VPS37A: variants seen among roughly 807,000 people sequenced by gnomAD.
VPS37A encodes the protein VPS37A subunit of ESCRT-I.
In VPS37A, 30 loss-of-function variants were observed where a neutral mutation model predicts 49.8. The observed-to-expected ratio is 0.60, with a 90% CI of 0.45 to 0.82. VPS37A has a LOEUF of 0.82. VPS37A is among the 40% of genes least tolerant of loss of function. The pLI, the probability that VPS37A is intolerant of heterozygous loss-of-function variation, is 0.00. For missense variants in VPS37A, 593 were observed against 464.4 expected (o/e 1.28, Z -2.55); for synonymous variants, 195 against 160.6 (o/e 1.21, Z -1.62).
chr8:17,309,634 G>A, the VPS37A span, among the ~76,000 whole-genome samples: 117 of 152,218 alleles, frequency 7.7e-4, 1 homozygote, highest in Middle Eastern at 3.4e-3. Flanking sequence ...CTGTAGGATA[G>A]GTATTCTCAC....
chr8:17,280,798 C>T (rs982006060), intron 9 of VPS37A, among the ~76,000 whole-genome samples: 3 of 151,460 alleles, frequency 2.0e-5, no homozygotes, highest in East Asian at 1.9e-4. Context: ...ATGAAAAGTT[C>T]GCAAATTAAA....
the VPS37A span, among the ~76,000 whole-genome samples, chr8:17,330,987 TAAGAG>T: frequency 6.6e-6 from 1 of 152,166 alleles, no homozygotes; most frequent in African/African-American, 2.4e-5. Flanking sequence ...TGCTTACAAA[TAAGAG>T]AAACGTTCTT....
chr8:17,283,736 G>C (rs2150409652), intron 9 of VPS37A, among the ~76,000 whole-genome samples: 1 of 152,190 alleles, frequency 6.6e-6, no homozygotes, highest in East Asian at 1.9e-4. Flanking sequence ...CCACAGTTTT[G>C]ATTACTGTAA....
At chr8:17,326,716 A>AT in the VPS37A span, among the ~76,000 whole-genome samples, 2 of 152,206 alleles carry the variant, frequency 1.3e-5, no homozygotes, top group Non-Finnish European at 2.9e-5. Flanking sequence ...GCCAACAACC[A>AT]TAAGTGCTTG....
intron 4 of VPS37A, among the ~76,000 whole-genome samples, chr8:17,273,124 T>A (rs146625774): frequency 0.014 from 2,151 of 150,490 alleles, 32 homozygotes; most frequent in Middle Eastern, 0.045. Context: ...TCATTATTCC[T>A]TATAGCCACA....
At chr8:17,317,659 A>G in the VPS37A span, among the ~76,000 whole-genome samples, 3 of 152,168 alleles carry the variant, frequency 2.0e-5, no homozygotes, top group Non-Finnish European at 2.9e-5. Flanking sequence ...CTGGGACCCA[A>G]TGAACTGCTT....
At chr8:17,302,496 G>C (rs925359606), downstream of VPS37A, 12 of 475,772 alleles carry the variant, frequency 2.5e-5, no homozygotes, top group East Asian at 3.7e-4. Context: ...TTTATGAAAA[G>C]TCTGCCTGTA....
At chr8:17,305,057 T>G (rs1817365274), downstream of VPS37A, among the ~76,000 whole-genome samples, 1 of 152,166 alleles carries the variant, frequency 6.6e-6, no homozygotes, top group Non-Finnish European at 1.5e-5. Flanking sequence ...TACACTCTGC[T>G]CCTTCTAAAT....
the VPS37A span, among the ~76,000 whole-genome samples, chr8:17,320,164 T>C: frequency 6.6e-6 from 1 of 152,168 alleles, no homozygotes; most frequent in Non-Finnish European, 1.5e-5. Flanking sequence ...TATGAGATTT[T>C]CTTTTTACTT....
chr8:17,283,658 A>G (rs1055546285), intron 9 of VPS37A, among the ~76,000 whole-genome samples: 13 of 151,978 alleles, frequency 8.6e-5, no homozygotes, highest in African/African-American at 2.9e-4. Context: ...TCATTTGGCC[A>G]TATGTGTGAG....
chr8:17,316,245 T>G, the VPS37A span, among the ~76,000 whole-genome samples: 1 of 152,004 alleles, frequency 6.6e-6, no homozygotes, highest in African/African-American at 2.4e-5. Flanking sequence ...CTTATTACTA[T>G]TATTCTCAAA....
intron 1 of VPS37A, among the ~76,000 whole-genome samples, chr8:17,253,985 A>ATG (rs147360074): frequency 3.5e-4 from 53 of 152,040 alleles, no homozygotes; most frequent in African/African-American, 1.3e-3. Flanking sequence ...TTGTGTAAGT[A>ATG]TGTGTGTGTG....
rs186312949 is a variant in VPS37A at position 17,297,418 on chromosome 8, C to G, written c.*2432C>G. The G allele has an allele frequency of 2.0e-5, 3 of 152,070 alleles. No individual in the cohort carries two copies. The East Asian group carries it at 5.8e-4, about 29-fold the overall frequency. 9.4% of individuals were successfully genotyped at this position (152,070 alleles called of 1,614,324 possible). A position where few individuals can be genotyped will look rare whatever the true frequency, so the allele number is the denominator to read the frequency against. ...CTTAAATTGAAGGACAGCTCAGATT[C>G]ATTTTTAGGAGAAGAAAGTAAACTA... On this transcript the variant is annotated 3_prime_UTR_variant, in exon 12 of 12. Coordinates refer to ENST00000324849, the MANE Select transcript of VPS37A (RefSeq NM_152415.3).
At chr8:17,249,332 T>A (rs1172847647) in intron 1 of VPS37A, among the ~76,000 whole-genome samples, 1 of 152,202 alleles carries the variant, frequency 6.6e-6, no homozygotes, top group Non-Finnish European at 1.5e-5. Context: ...TACGCGGAGT[T>A]GGATACAGAA....
Position 17,297,714 on chromosome 8 carries a change from A to AGATATTTTAGTCTTGTTGGG in VPS37A, c.*2749_*2768dup, listed in dbSNP as rs3216866. ...ACTTCCTGATTAATGTTTGATTATT[A>AGATATTTTAGTCTTGTTGGG]GATATTTTAGTCTTGTTGGGGATAT... On this transcript the variant is annotated 3_prime_UTR_variant, in exon 12 of 12. Coordinates refer to ENST00000324849, the MANE Select transcript of VPS37A (RefSeq NM_152415.3). 6 of 152,016 alleles carry AGATATTTTAGTCTTGTTGGG rather than the reference A, an allele frequency of 3.9e-5. No individual in the cohort carries two copies. Among genetic ancestry groups the AGATATTTTAGTCTTGTTGGG allele is most frequent in the Non-Finnish European group, 2.9e-5 (2 of 67,890 alleles). 9.4% of individuals were successfully genotyped at this position (152,016 alleles called of 1,614,324 possible).
intron 1 of VPS37A, among the ~76,000 whole-genome samples, chr8:17,260,240 T>C (rs1812849295): frequency 6.6e-6 from 1 of 152,150 alleles, no homozygotes. Flanking sequence ...TTTTGCACTG[T>C]GGTTTTCATG....
At chr8:17,262,498 C>G (rs150683053) in intron 1 of VPS37A, among the ~76,000 whole-genome samples, 1 of 151,934 alleles carries the variant, frequency 6.6e-6, no homozygotes, top group African/African-American at 2.4e-5. Flanking sequence ...CCCAGAGAAA[C>G]TAGAAAATGA....
the VPS37A span, among the ~76,000 whole-genome samples, chr8:17,317,997 CAAG>C: frequency 6.6e-6 from 1 of 151,894 alleles, no homozygotes; most frequent in African/African-American, 2.4e-5. Context: ...GGAACAGAAA[CAAG>C]AAATTCCTTT....
intron 4 of VPS37A, among the ~76,000 whole-genome samples, chr8:17,273,768 C>T (rs980897518): frequency 6.6e-6 from 1 of 151,584 alleles, no homozygotes; most frequent in Non-Finnish European, 1.5e-5. Context: ...TAGTGTCATT[C>T]GTATACATTT....
Sources: allele counts gnomAD v4.1 joint callset (sites outside exome capture counted in the v4.1 genomes callset), GRCh38; gene constraint gnomAD v4.1.1; transcripts MANE v1.5; gene names NCBI Gene and HGNC (gene_info 2026-07-23, HGNC 2026-07-21).